ADAM17: variants seen among roughly 807,000 people sequenced by gnomAD.
The protein encoded by ADAM17 is disintegrin and metalloproteinase domain-containing protein 17.
Under a neutral mutation model 96.7 loss-of-function variants are expected in ADAM17, and 39 were observed. That is an observed-to-expected ratio of 0.40 (90% CI 0.31 to 0.53). ADAM17 has a LOEUF of 0.53. Among genes scored for constraint, ADAM17 ranks in the 20% least tolerant of loss-of-function variants. ADAM17 has a pLI of 0.44. For missense variants in ADAM17, 777 were observed against 1,013.2 expected (o/e 0.77, Z 3.17); for synonymous variants, 344 against 359.2 (o/e 0.96, Z 0.48).
At chr2:9,551,533 C>A (rs1369283484) in intron 1 of ADAM17, among the ~76,000 whole-genome samples, 1 of 152,188 alleles carries the variant, frequency 6.6e-6, no homozygotes, top group Admixed American at 6.5e-5. Flanking sequence ...GATCTCGGCT[C>A]ACTGCAAGCT....
At position 9,518,259 on chromosome 2, in the gene ADAM17, CAAAAAAAAAAAAA is replaced by C. The variant is rs34863481; in HGVS notation, c.958-25_958-13del. On this transcript the variant is annotated splice_polypyrimidine_tract_variant and intron_variant, in intron 8 of 18. Transcript: ENST00000310823. ...TCAAAGCTAAATTGCTTTGAAAGAC[CAAAAAAAAAAAAA>C]AAAAAAAAAGCATTCTTAGATTAAC... The C allele has an allele frequency of 2.8e-3, 2,255 of 817,384 alleles. 40 individuals are homozygous for C. In the African/African-American group the frequency reaches 0.061, roughly 22 times the overall value. The allele number at this position is 817,384 out of a possible 1,614,324, so 50.6% of individuals were successfully genotyped here. A position where few individuals can be genotyped will look rare whatever the true frequency, so the allele number is the denominator to read the frequency against.
At chr2:9,504,633 C>T (rs144747742) in intron 12 of ADAM17, among the ~76,000 whole-genome samples, 42 of 149,312 alleles carry the variant, frequency 2.8e-4, no homozygotes, top group African/African-American at 8.1e-4. Flanking sequence ...CATGGTGGTG[C>T]GTGCCTGTAG....
chr2:9,514,671 A>C (rs1224806724), intron 10 of ADAM17, among the ~76,000 whole-genome samples: 1 of 150,164 alleles, frequency 6.7e-6, no homozygotes, highest in Non-Finnish European at 1.5e-5. Context: ...CAGGAGATTG[A>C]GACCATCCTG....
At position 9,490,532 on chromosome 2, in the gene ADAM17, G is replaced by C. The variant is rs114255985; in HGVS notation, c.2134-14C>G. ...CATTTCGACGTTCTGCAAAGACATG[G>C]GTTCAATTGATTGATAGGAATAAAA... On this transcript the variant is annotated splice_polypyrimidine_tract_variant and intron_variant, in intron 18 of 18. Coordinates refer to ENST00000310823, the MANE Select transcript of ADAM17 (RefSeq NM_003183.6). 6.2e-7 allele frequency: 1 copy of C among 1,602,340 alleles called. No individual in the cohort carries two copies. The highest frequency in any genetic ancestry group is 8.5e-7 in the Non-Finnish European group (1 of 1,172,174).
rs147829759 is a variant in ADAM17 at position 9,555,058 on chromosome 2, T to A, written c.97+451A>T. On this transcript the variant is annotated intron_variant, in intron 1 of 18. Transcript: ENST00000310823. ...GCATAAGTACCTCCTACAGCAGAAA[T>A]TCTAGTTCCCTCCTTCGAGGACCAG... Among the ~76,000 whole-genome samples, 420 of 152,132 alleles carry A rather than the reference T, an allele frequency of 2.8e-3. 1 individual carries two copies. Among genetic ancestry groups the A allele is most frequent in the Middle Eastern group, 0.014 (4 of 294 alleles).
intron 1 of ADAM17, 74 bp from the exon 2 acceptor site, chr2:9,543,359 C>T: frequency 1.5e-6 from 2 of 1,297,024 alleles, no homozygotes; most frequent in South Asian, 1.8e-5. Flanking sequence ...ATGAGAGTGC[C>T]AGACAATAAA....
chr2:9,493,935 G>A (rs960431224), intron 15 of ADAM17, 110 bp from the exon 16 acceptor site: 4 of 864,900 alleles, frequency 4.6e-6, no homozygotes, highest in Admixed American at 2.8e-5. Flanking sequence ...AAAATCAAAC[G>A]TTTTCCCATC....
At chr2:9,543,381 G>A (rs1339253994) in intron 1 of ADAM17, 96 bp from the exon 2 acceptor site, 10 of 1,152,166 alleles carry the variant, frequency 8.7e-6, no homozygotes, top group Non-Finnish European at 1.1e-5. Context: ...CTTTCCTGAT[G>A]TAATCCATTA....
At chr2:9,500,956 G>A (rs1445225088) in intron 13 of ADAM17, among the ~76,000 whole-genome samples, 3 of 152,088 alleles carry the variant, frequency 2.0e-5, no homozygotes, top group Non-Finnish European at 2.9e-5. Flanking sequence ...TTAACCATCC[G>A]CCATGGCTTT....
At chr2:9,508,459 C>T (rs1481172803) in intron 11 of ADAM17, among the ~76,000 whole-genome samples, 2 of 152,136 alleles carry the variant, frequency 1.3e-5, no homozygotes, top group Non-Finnish European at 2.9e-5. Flanking sequence ...CAAAATTGAT[C>T]CATTTCAAGT....
At chr2:9,543,726 G>A (rs1411234381) in intron 1 of ADAM17, among the ~76,000 whole-genome samples, 3 of 152,210 alleles carry the variant, frequency 2.0e-5, no homozygotes, top group African/African-American at 7.2e-5. Flanking sequence ...AGTGGATCTC[G>A]TGGAGGTAGA....
In ADAM17 at chr2:9,493,840, C is replaced by T; in HGVS notation, c.1915-15G>A. 1.9e-6 allele frequency: 3 copies of T among 1,602,396 alleles called. No homozygotes were observed. Among genetic ancestry groups the T allele is most frequent in the Non-Finnish European group, 2.6e-6 (3 of 1,169,746 alleles). ...TCACATTTGCCCTATGAAGAAAAAA[C>T]ATACATACAGCATCATTCCCAAACA... On this transcript the variant is annotated splice_polypyrimidine_tract_variant and intron_variant, in intron 15 of 18. Coordinates refer to ENST00000310823, the MANE Select transcript of ADAM17 (RefSeq NM_003183.6).
chr2:9,502,164 A>T lies in ADAM17; in HGVS notation c.1648+9T>A. ...CACAGCATTCCAAGGAAGCAACAAGAACACGAACCTGTGCAGTAGGACACG... is the reference window on the plus strand; with the variant it reads ...CACAGCATTCCAAGGAAGCAACAAGTACACGAACCTGTGCAGTAGGACACG... On this transcript the variant is annotated intron_variant, in intron 13 of 18. Coordinates refer to ENST00000310823, the MANE Select transcript of ADAM17 (RefSeq NM_003183.6). The T allele has an allele frequency of 6.2e-7, 1 of 1,611,520 alleles. No individual in the cohort carries two copies. The highest frequency in any genetic ancestry group is 8.5e-7 in the Non-Finnish European group (1 of 1,177,922).
chr2:9,553,905 T>C (rs2125048415), intron 1 of ADAM17, among the ~76,000 whole-genome samples: 1 of 149,890 alleles, frequency 6.7e-6, no homozygotes, highest in South Asian at 2.1e-4. Flanking sequence ...CTACTAGGAA[T>C]ACAAAAATTA....
rs1191123718 is a variant in ADAM17 at position 9,488,826 on chromosome 2, G to A, written c.*1351C>T. 6.6e-6 allele frequency: 1 copy of A among 152,220 alleles called. No individual in the cohort carries two copies. Among genetic ancestry groups the A allele is most frequent in the African/African-American group, 2.4e-5 (1 of 41,432 alleles). 9.4% of individuals were successfully genotyped at this position (152,220 alleles called of 1,614,324 possible). ...GGAAATGGGGGGTAGGAGGAGATAT[G>A]ATTAGTCACAGGTTTGGTTAACTGC... On this transcript the variant is annotated 3_prime_UTR_variant, in exon 19 of 19. Transcript: ENST00000310823.
At chr2:9,511,596 G>C (rs529221745) in intron 10 of ADAM17, among the ~76,000 whole-genome samples, 118 of 152,290 alleles carry the variant, frequency 7.7e-4, no homozygotes, top group African/African-American at 2.8e-3. Context: ...TAATCTATCA[G>C]ATTATCAGAT....
intron 11 of ADAM17, among the ~76,000 whole-genome samples, chr2:9,509,479 A>T (rs1663608084): frequency 6.6e-6 from 1 of 152,222 alleles, no homozygotes; most frequent in Admixed American, 6.5e-5. Flanking sequence ...CCTACTAGGC[A>T]CTGGAGATAG....
At chr2:9,512,904 T>C (rs1374990473) in intron 10 of ADAM17, among the ~76,000 whole-genome samples, 1 of 152,050 alleles carries the variant, frequency 6.6e-6, no homozygotes, top group Non-Finnish European at 1.5e-5. Flanking sequence ...AGGAGGGAGG[T>C]ACATCCCAAC....
At chr2:9,505,068 T>C in intron 12 of ADAM17, 98 bp downstream of exon 12, 1 of 1,316,954 alleles carries the variant, frequency 7.6e-7, no homozygotes, top group South Asian at 1.3e-5. Flanking sequence ...CTCACACCCC[T>C]TTCAGTTGAT....
Sources: gnomAD v4.1 joint callset for allele counts (sites outside exome capture counted in the v4.1 genomes callset) on GRCh38, gnomAD v4.1.1 for gene constraint, MANE v1.5 for transcripts, NCBI Gene and HGNC (gene_info 2026-07-23, HGNC 2026-07-21) for gene names.